ETV5: variants seen among roughly 807,000 people sequenced by gnomAD.
ETV5 encodes the protein ETS variant transcription factor 5.
In ETV5, 10 loss-of-function variants were observed where a neutral mutation model predicts 70.0. That is an observed-to-expected ratio of 0.14 (90% confidence interval 0.09 to 0.24). ETV5 has a LOEUF of 0.24. Ranked by LOEUF, ETV5 falls within the 10% of genes least tolerant of loss-of-function variation. The pLI, the probability that ETV5 is intolerant of heterozygous loss-of-function variation, is 1.00. For synonymous variants in ETV5, 216 were observed against 242.2 expected (o/e 0.89, Z 1.01); for missense variants, 453 against 651.2 (o/e 0.70, Z 3.31).
chr3:186,051,939 G>C, intron 12 of ETV5, 91 bp downstream of exon 12: 1 of 1,275,888 alleles, frequency 7.8e-7, no homozygotes, highest in South Asian at 1.2e-5. Context: ...AAATTTCCTC[G>C]TAGCGACGAT....
rs753580535 is a variant in ETV5 at position 186,046,585 on chromosome 3, C to G, written c.*2054G>C. The G allele has an allele frequency of 1.8e-5, 4 of 223,280 alleles. No homozygotes were observed. The highest frequency in any genetic ancestry group is 3.5e-5 in the Non-Finnish European group (4 of 114,350). The allele number at this position is 223,280 out of a possible 1,614,324, so 13.8% of individuals were successfully genotyped here. A position where few individuals can be genotyped will look rare whatever the true frequency, so the allele number is the denominator to read the frequency against. On this transcript the variant is annotated 3_prime_UTR_variant, in exon 13 of 13. Coordinates refer to ENST00000306376, the MANE Select transcript of ETV5 (RefSeq NM_004454.3). ...CGCTGTCCTATGCCCAGTGACAGCA[C>G]AGGTCACGTAAGTTACAGCAGGGGA...
intron 11 of ETV5, among the ~76,000 whole-genome samples, chr3:186,055,393 G>A (rs1311009846): frequency 6.6e-6 from 1 of 152,178 alleles, no homozygotes; most frequent in East Asian, 1.9e-4. Flanking sequence ...GTCGGCGTGG[G>A]GTGGATGGCT....
intron 5 of ETV5, among the ~76,000 whole-genome samples, chr3:186,093,617 G>C (rs1714237775): frequency 6.6e-6 from 1 of 152,206 alleles, no homozygotes; most frequent in Non-Finnish European, 1.5e-5. Context: ...CGGCTTGGGA[G>C]GTTACTGTCT....
intron 5 of ETV5, among the ~76,000 whole-genome samples, chr3:186,082,489 G>A (rs191501158): frequency 2.7e-3 from 405 of 149,872 alleles, no homozygotes; most frequent in African/African-American, 9.6e-3. Flanking sequence ...GTGCAATGGC[G>A]TGATCACTGC....
intron 11 of ETV5, among the ~76,000 whole-genome samples, chr3:186,055,658 A>T (rs1713142501): frequency 1.3e-5 from 2 of 152,196 alleles, no homozygotes; most frequent in Admixed American, 1.3e-4. Flanking sequence ...TCTCCTATCA[A>T]TCAGGATTCT....
chr3:186,105,981 G>T lies in ETV5; in HGVS notation c.-74-39C>A. ...TTGGGAGATTTTAACTAAGAGGGGGGAAAAAAAGAAATGAAACAATTTTAG... is the reference window on the plus strand; with the variant it reads ...TTGGGAGATTTTAACTAAGAGGGGGTAAAAAAAGAAATGAAACAATTTTAG... On this transcript the variant is annotated intron_variant, in intron 1 of 12. Transcript: ENST00000306376. This position sits in a 1 kb window ranked among gnomAD's most constrained non-coding sequence, Gnocchi z 4.5. 1 of 1,395,552 alleles carries T rather than the reference G, an allele frequency of 7.2e-7. No individual in the cohort carries two copies. The highest frequency in any genetic ancestry group is 9.9e-7 in the Non-Finnish European group (1 of 1,014,170). 86.4% of individuals were successfully genotyped at this position (1,395,552 alleles called of 1,614,324 possible).
intron 7 of ETV5, among the ~76,000 whole-genome samples, chr3:186,071,682 T>G (rs940564424): frequency 1.3e-5 from 2 of 152,130 alleles, no homozygotes; most frequent in African/African-American, 4.8e-5. Context: ...TGGCCAGGCA[T>G]GGTGGCTCAG....
In ETV5 at chr3:186,048,624, C is replaced by A; in HGVS notation, c.*15G>T. On this transcript the variant is annotated 3_prime_UTR_variant, in exon 13 of 13. Transcript: ENST00000306376. Reference sequence around the variant, plus strand: ...CTGCTAGCTCTAGGGTTTGGCCACTCCGCCACTCAGAAACTTAGTAAGCAA... The same window carrying A: ...CTGCTAGCTCTAGGGTTTGGCCACTACGCCACTCAGAAACTTAGTAAGCAA... 6.2e-7 allele frequency: 1 copy of A among 1,612,798 alleles called. No homozygotes were observed. The highest frequency in any genetic ancestry group is 1.1e-5 in the South Asian group (1 of 91,030).
chr3:186,099,727 C>T (rs548979609), intron 5 of ETV5, among the ~76,000 whole-genome samples: 1 of 152,042 alleles, frequency 6.6e-6, no homozygotes, highest in Non-Finnish European at 1.5e-5. Context: ...GCTACCCATG[C>T]CTTACTCCTG....
At chr3:186,107,998 G>A (rs1459846294) in intron 1 of ETV5, among the ~76,000 whole-genome samples, 2 of 149,786 alleles carry the variant, frequency 1.3e-5, no homozygotes, top group South Asian at 2.1e-4. Context: ...TTCACAAAAA[G>A]GGAAGAAAAA....
intron 7 of ETV5, among the ~76,000 whole-genome samples, chr3:186,069,834 C>T (rs1475541878): frequency 6.6e-6 from 1 of 152,096 alleles, no homozygotes. Context: ...GTTGAGACGG[C>T]GTCTCGCTCT....
At chr3:186,096,300 G>A (rs1195199175) in intron 5 of ETV5, among the ~76,000 whole-genome samples, 2 of 152,010 alleles carry the variant, frequency 1.3e-5, no homozygotes, top group Admixed American at 6.6e-5. Context: ...TCCAGGATCC[G>A]GCCTTTACTG....
At chr3:186,083,279 C>T (rs1713974629) in intron 5 of ETV5, among the ~76,000 whole-genome samples, 1 of 152,192 alleles carries the variant, frequency 6.6e-6, no homozygotes, top group African/African-American at 2.4e-5. Flanking sequence ...CCAATTTAAA[C>T]AAAAGCTACA....
chr3:186,100,811 C>G (rs1347309369), intron 5 of ETV5, among the ~76,000 whole-genome samples: 1 of 152,102 alleles, frequency 6.6e-6, no homozygotes, highest in African/African-American at 2.4e-5. Context: ...TTATCATGCT[C>G]TCTACTCAGC....
rs551813430 is a variant in ETV5 at position 186,077,241 on chromosome 3, T to C, written c.650+2576A>G. Among the ~76,000 whole-genome samples, 3 of 152,314 alleles carry C rather than the reference T, an allele frequency of 2.0e-5. No individual in the cohort carries two copies. In the South Asian group the frequency reaches 6.2e-4, roughly 32 times the overall value. ...TATTAGGGATTTCGTTTTGAAGTAA[T>C]AGTCCCTCTAATCTTAATAAAAAGT... On this transcript the variant is annotated intron_variant, in intron 7 of 12. Coordinates refer to ENST00000306376, the MANE Select transcript of ETV5 (RefSeq NM_004454.3).
intron 5 of ETV5, among the ~76,000 whole-genome samples, chr3:186,082,959 T>C (rs1346084965): frequency 6.6e-6 from 1 of 152,230 alleles, no homozygotes; most frequent in African/African-American, 2.4e-5. Context: ...TTTTCCTGAA[T>C]ACATAAAATA....
chr3:186,080,621 G>C (rs955932481), intron 6 of ETV5: 4 of 231,940 alleles, frequency 1.7e-5, no homozygotes, highest in Non-Finnish European at 8.5e-6. Context: ...CATTCCTGGG[G>C]CCTGGATATT....
intron 7 of ETV5, among the ~76,000 whole-genome samples, chr3:186,068,020 C>A (rs978941599): frequency 6.6e-5 from 10 of 152,168 alleles, no homozygotes; most frequent in Non-Finnish European, 1.0e-4. Context: ...AAGTTTAACT[C>A]ATTAGTAATT....
chr3:186,079,081 CT>C (rs1323071306), intron 7 of ETV5: 11 of 1,064,990 alleles, frequency 1.0e-5, no homozygotes, highest in Admixed American at 5.4e-5. Flanking sequence ...AACTACCCCC[CT>C]ATCCCAGAGA....
Sources: allele counts gnomAD v4.1 joint callset (sites outside exome capture counted in the v4.1 genomes callset), GRCh38; gene constraint gnomAD v4.1.1; non-coding constraint Gnocchi (gnomAD v3.1); transcripts MANE v1.5; gene names NCBI Gene and HGNC (gene_info 2026-07-23, HGNC 2026-07-21).